Variants in PALM2AKAP2 observed in about 807,000 individuals in gnomAD.
PALM2AKAP2 encodes the protein PALM2 and AKAP2 fusion, also known as PALM2-AKAP2 fusion protein.
PALM2AKAP2 carries 37 observed loss-of-function variants against 71.5 expected under a neutral mutation model. The observed-to-expected ratio is 0.52, with a 90% CI of 0.40 to 0.68. PALM2AKAP2 has a LOEUF of 0.68. Ranked by LOEUF, PALM2AKAP2 falls within the 30% of genes least tolerant of loss-of-function variation. The pLI is 0.00. For missense variants in PALM2AKAP2, 1,224 were observed against 1,191.8 expected (o/e 1.03, Z -0.40); for synonymous variants, 468 against 478.8 (o/e 0.98, Z 0.29).
At chr9:110,017,796 T>C (rs1232207377) in intron 7 of PALM2AKAP2, among the ~76,000 whole-genome samples, 1 of 151,452 alleles carries the variant, frequency 6.6e-6, no homozygotes, top group Admixed American at 6.6e-5. Context: ...AGCGCAGACT[T>C]GGCTCACTGC....
intron 6 of PALM2AKAP2, among the ~76,000 whole-genome samples, chr9:109,989,396 C>T (rs1162940239): frequency 6.6e-6 from 1 of 152,004 alleles, no homozygotes; most frequent in South Asian, 2.1e-4. Context: ...CTTTTTCTTT[C>T]GGGTTGTGCT....
chr9:110,145,669 T>G (rs1022575431), intron 2 of PALM2AKAP2, among the ~76,000 whole-genome samples: 5 of 151,948 alleles, frequency 3.3e-5, no homozygotes, highest in African/African-American at 1.2e-4. Flanking sequence ...TGTGTTCTCT[T>G]TATCTAAATC....
At chr9:110,165,857 A>G (rs1836721676) in intron 3 of PALM2AKAP2, among the ~76,000 whole-genome samples, 1 of 152,246 alleles carries the variant, frequency 6.6e-6, no homozygotes, top group African/African-American at 2.4e-5. Flanking sequence ...GGCTTGTAAC[A>G]AGAGTTCCTA....
chr9:110,057,928 A>C (rs2132535044), intron 1 of PALM2AKAP2, among the ~76,000 whole-genome samples: 1 of 152,338 alleles, frequency 6.6e-6, no homozygotes, highest in South Asian at 2.1e-4. Flanking sequence ...GCCAAGACTC[A>C]GGACTTGAAT....
exon 2 of PALM2AKAP2, chr9:110,137,010 A>G: frequency 6.2e-7 from 1 of 1,614,136 alleles, no homozygotes; most frequent in East Asian, 2.2e-5. Context: ...GACGAGGAAC[A>G]TCTGGAGTCG....
chr9:110,129,914 T>C (rs746342057), intron 1 of PALM2AKAP2, among the ~76,000 whole-genome samples: 10 of 152,226 alleles, frequency 6.6e-5, no homozygotes, highest in Non-Finnish European at 1.3e-4. Context: ...CAACTGTATC[T>C]TCCTAGTCGT....
rs754903953 is a variant in PALM2AKAP2, at chr9:110,010,996, CAAA to C, written c.497-4941_497-4939del. On this transcript the variant is annotated intron_variant, in intron 6 of 9. Coordinates refer to the PALM2AKAP2 transcript ENST00000302798. Reference sequence around the variant, plus strand: ...GGGCAACAAGAGCGAAACTCTGTCTCAAAAAAAAAAAAAAAAAAATATATATAT... The same window carrying C: ...GGGCAACAAGAGCGAAACTCTGTCTCAAAAAAAAAAAAAAAATATATATAT... 3.4e-3 allele frequency among the ~76,000 whole-genome samples: 185 copies of C among 54,220 alleles called. 3 individuals carry two copies. The highest frequency in any genetic ancestry group is 0.017 in the Middle Eastern group (1 of 58). The allele number at this position is 54,220 out of a possible 152,430, so 35.6% of individuals were successfully genotyped here. A position where few individuals can be genotyped will look rare whatever the true frequency, so the allele number is the denominator to read the frequency against.
At chr9:110,168,277 G>A (rs1247576424) in intron 3 of PALM2AKAP2, 122 bp from the exon 11 acceptor site, 12 of 1,229,766 alleles carry the variant, frequency 9.8e-6, no homozygotes, top group Non-Finnish European at 1.3e-5. Context: ...TCTCCCAGCA[G>A]TGCTTTATCA....
intron 6 of PALM2AKAP2, among the ~76,000 whole-genome samples, chr9:109,993,392 C>G (rs1462537694): frequency 2.6e-5 from 4 of 152,148 alleles, no homozygotes; most frequent in African/African-American, 9.7e-5. Context: ...GAGTTTCCTT[C>G]TTCCAGCATT....
intron 6 of PALM2AKAP2, among the ~76,000 whole-genome samples, chr9:109,962,078 C>G (rs1163408858): frequency 1.3e-5 from 2 of 152,184 alleles, no homozygotes; most frequent in African/African-American, 4.8e-5. Context: ...TATGTTCATC[C>G]AACAACAGCC....
At position 110,014,806 on chromosome 9, in the gene PALM2AKAP2, G is replaced by GTA. The variant is rs34408706; in HGVS notation, c.497-1103_497-1102dup. Among the ~76,000 whole-genome samples, 276 of 41,496 alleles carry GTA rather than the reference G, an allele frequency of 6.7e-3. 4 individuals are homozygous for GTA. The highest frequency in any genetic ancestry group is 7.9e-3 in the Non-Finnish European group (219 of 27,870). The allele number at this position is 41,496 out of a possible 152,430, so 27.2% of individuals were successfully genotyped here. On this transcript the variant is annotated intron_variant, in intron 6 of 9. Coordinates refer to the PALM2AKAP2 transcript ENST00000302798. Reference sequence around the variant, plus strand: ...AAAAAAAAAAAAAAAAAAAAAAAATGTATATATATATATATATATATATAT... The same window carrying GTA: ...AAAAAAAAAAAAAAAAAAAAAAAATGTATATATATATATATATATATATATAT...
intron 1 of PALM2AKAP2, among the ~76,000 whole-genome samples, chr9:109,713,314 G>A (rs2031784): frequency 0.16 from 23,608 of 152,138 alleles, 2,197 homozygotes; most frequent in Middle Eastern, 0.3. Context: ...GGAACTGAAA[G>A]TGGGGGCTGG....
At chr9:109,717,046 A>G (rs370616909) in intron 1 of PALM2AKAP2, among the ~76,000 whole-genome samples, 4 of 152,140 alleles carry the variant, frequency 2.6e-5, no homozygotes, top group South Asian at 4.1e-4. Flanking sequence ...ATGAGATCCA[A>G]TGTGGCAGGC....
At chr9:110,068,087 C>CTT (rs5899875) in intron 1 of PALM2AKAP2, among the ~76,000 whole-genome samples, 16,453 of 122,744 alleles carry the variant, frequency 0.13, 1,550 homozygotes, top group South Asian at 0.16. Flanking sequence ...GTTCCAAACT[C>CTT]TTTTTTTTTT....
At chr9:109,928,675 C>CTTTT (rs35829270) in intron 5 of PALM2AKAP2, among the ~76,000 whole-genome samples, 3 of 143,132 alleles carry the variant, frequency 2.1e-5, no homozygotes, top group Admixed American at 7.0e-5. Flanking sequence ...CTCTCGCTCT[C>CTTTT]TTTTTTTTTT....
chr9:109,854,759 G>T (rs1564181380), intron 1 of PALM2AKAP2, among the ~76,000 whole-genome samples: 19 of 88,764 alleles, frequency 2.1e-4, no homozygotes, highest in South Asian at 4.7e-4. Context: ...TTAAAAGAAT[G>T]TATCTTTTTT....
intron 1 of PALM2AKAP2, among the ~76,000 whole-genome samples, chr9:110,135,172 A>AATATATATAT (rs1554755286): frequency 1.6e-5 from 1 of 61,096 alleles, no homozygotes. Context: ...AAAATATATA[A>AATATATATAT]ATATATATAT....
At chr9:109,919,362 T>C (rs1384313203) in intron 3 of PALM2AKAP2, among the ~76,000 whole-genome samples, 9 of 152,198 alleles carry the variant, frequency 5.9e-5, no homozygotes, top group African/African-American at 2.2e-4. Flanking sequence ...TTTGTTGTTT[T>C]CATTCTGGTT....
intron 1 of PALM2AKAP2, among the ~76,000 whole-genome samples, chr9:109,760,141 A>G (rs1307052675): frequency 6.6e-6 from 1 of 152,180 alleles, no homozygotes; most frequent in African/African-American, 2.4e-5. Context: ...TATGAAAAGA[A>G]TCATGCATCC....
Sources: gnomAD v4.1 joint callset for allele counts (sites outside exome capture counted in the v4.1 genomes callset) on GRCh38, gnomAD v4.1.1 for gene constraint, MANE v1.5 for transcripts, NCBI Gene and HGNC (gene_info 2026-07-23, HGNC 2026-07-21) for gene names.